Variants in EML6 observed in about 807,000 individuals in gnomAD.
EML6 encodes echinoderm microtubule-associated protein-like 6.
Under a neutral mutation model 240.1 loss-of-function variants are expected in EML6, and 154 were observed. The observed-to-expected ratio is 0.64, with a 90% CI of 0.56 to 0.73. EML6 has a LOEUF of 0.73. Among genes scored for constraint, EML6 ranks in the 30% least tolerant of loss-of-function variants. The pLI is 0.00. For synonymous variants in EML6, 1,148 were observed against 899.0 expected, an observed-to-expected ratio of 1.28 and a Z score of -4.95; for missense variants, 2,964 against 2,474.6, an observed-to-expected ratio of 1.20 and a Z score of -4.20.
At chr2:54,818,501 G>C (rs573101211) in intron 4 of EML6, among the ~76,000 whole-genome samples, 1 of 152,324 alleles carries the variant, frequency 6.6e-6, no homozygotes, top group South Asian at 2.1e-4. Flanking sequence ...CTGTACCTCA[G>C]TTCATTTTCC....
rs898198830 is a variant in EML6 at position 54,964,023 on chromosome 2, G to C, written c.5195G>C (p.Arg1732Thr). The C allele has an allele frequency of 1.0e-5, 16 of 1,551,704 alleles. No homozygotes were observed. The East Asian group carries it at 3.9e-4, about 38-fold the overall frequency. The change falls in exon 37 of 42, where the codon AGG becomes ACG. Residue 1732 changes from arginine to threonine, a missense_variant. Coordinates refer to ENST00000356458, the MANE Select transcript of EML6 (RefSeq NM_001039753.4). ...AAGGTGAGCTTGGGCCATGCGGCCA[G>C]GTGTGCAGCCTACAGCCCTGATGGG... The part of the protein sequence containing the change: ...LNKVSLGHAA[R>T]CAAYSPDGEM...
chr2:54,767,616 GTGTGTGTGTGTGTGTA>G (rs1017886044), intron 2 of EML6, among the ~76,000 whole-genome samples: 4 of 129,138 alleles, frequency 3.1e-5, no homozygotes, highest in African/African-American at 1.0e-4. Flanking sequence ...GTGTGTGTGT[GTGTGTGTGTGTGTGTA>G]TGTGTGTGTG....
At chr2:54,956,941 T>C (rs572206307) in intron 32 of EML6, among the ~76,000 whole-genome samples, 2 of 152,272 alleles carry the variant, frequency 1.3e-5, no homozygotes, top group African/African-American at 2.4e-5. Flanking sequence ...GCTAAAAGAA[T>C]AGAAGCCAAG....
In EML6 at chr2:54,862,591, G is replaced by A. The variant is rs529220517; in HGVS notation, c.1826-1192G>A. 2.0e-5 allele frequency among the ~76,000 whole-genome samples: 3 copies of A among 151,984 alleles called. No homozygotes were observed. In the East Asian group the frequency reaches 5.8e-4, roughly 29 times the overall value. ...CCAAAAAGAGAAGAGAGAGAAATGGGCAGAAAACATGTTCAAGGAAATAAT... is the reference window on the plus strand; with the variant it reads ...CCAAAAAGAGAAGAGAGAGAAATGGACAGAAAACATGTTCAAGGAAATAAT... On this transcript the variant is annotated intron_variant, in intron 12 of 41. Transcript: ENST00000356458.
intron 2 of EML6, 93 bp from the exon 3 acceptor site, chr2:54,813,139 G>A (rs1667932991): frequency 9.0e-6 from 8 of 887,354 alleles, no homozygotes; most frequent in Non-Finnish European, 1.4e-5. Context: ...AGATCACCTT[G>A]TTAGATAATT....
chr2:54,798,715 A>G (rs921465311), intron 2 of EML6, among the ~76,000 whole-genome samples: 1 of 152,132 alleles, frequency 6.6e-6, no homozygotes, highest in African/African-American at 2.4e-5. Flanking sequence ...ATTAATTAGG[A>G]TACACAATAT....
intron 32 of EML6, among the ~76,000 whole-genome samples, chr2:54,957,360 A>G (rs1204647888): frequency 7.5e-4 from 113 of 151,434 alleles, no homozygotes; most frequent in Admixed American, 1.6e-3. Flanking sequence ...TTAGGAAAAA[A>G]AAAAAAAAAA....
chr2:54,784,641 G>C (rs575055723), intron 2 of EML6, among the ~76,000 whole-genome samples: 1 of 152,198 alleles, frequency 6.6e-6, no homozygotes, highest in East Asian at 1.9e-4. Context: ...ACCAATAACA[G>C]AAACAGTCCA....
intron 25 of EML6, 40 bp downstream of exon 25, chr2:54,911,082 A>G (rs1187435628): frequency 1.9e-6 from 2 of 1,043,766 alleles, no homozygotes; most frequent in African/African-American, 1.6e-5. Flanking sequence ...ATATTTTGTG[A>G]AGATTTAATA....
chr2:54,813,491 C>G (rs955372180), intron 3 of EML6, 100 bp downstream of exon 3: 2 of 997,068 alleles, frequency 2.0e-6, no homozygotes, highest in Non-Finnish European at 3.0e-6. Flanking sequence ...TCAACCCTTG[C>G]TGGTTCTTCT....
intron 25 of EML6, among the ~76,000 whole-genome samples, chr2:54,911,270 C>T (rs1027179414): frequency 6.6e-6 from 1 of 152,180 alleles, no homozygotes; most frequent in African/African-American, 2.4e-5. Flanking sequence ...CTTAATTTTT[C>T]TCTGCCTGAA....
At chr2:54,751,186 C>T (rs895062480) in intron 2 of EML6, among the ~76,000 whole-genome samples, 1 of 152,078 alleles carries the variant, frequency 6.6e-6, no homozygotes, top group Non-Finnish European at 1.5e-5. Flanking sequence ...GTGACAAAGA[C>T]AATTTACTTG....
At chr2:54,870,412 A>G (rs11677058) in intron 15 of EML6, among the ~76,000 whole-genome samples, 81,106 of 149,992 alleles carry the variant, frequency 0.54, 22,323 homozygotes, top group African/African-American at 0.65. Context: ...CTGAAAAGGT[A>G]TATTTGGGGG....
At chr2:54,844,299 T>C in intron 8 of EML6, 51 bp downstream of exon 8, 1 of 1,407,664 alleles carries the variant, frequency 7.1e-7, no homozygotes, top group Non-Finnish European at 9.8e-7. Context: ...TGGATTTATT[T>C]GCCCAAATTT....
intron 2 of EML6, among the ~76,000 whole-genome samples, chr2:54,789,036 T>C (rs1487996626): frequency 2.6e-5 from 4 of 152,230 alleles, no homozygotes; most frequent in Non-Finnish European, 2.9e-5. Context: ...TGCTTTTTAT[T>C]CTTTCTTATA....
chr2:54,933,034 G>A (rs183634747), intron 28 of EML6, among the ~76,000 whole-genome samples: 5 of 152,244 alleles, frequency 3.3e-5, no homozygotes, highest in Admixed American at 2.6e-4. Context: ...TTGCTGCCAG[G>A]ATTCTGGTTT....
Position 54,844,202 on chromosome 2 carries a change from C to T in EML6, c.1003C>T (p.Pro335Ser). The change falls in exon 8 of 42, where the codon CCC becomes TCC. Residue 335 changes from proline (P) to serine (S), a missense_variant. By Grantham distance (74) the Pro-to-Ser change is moderately conservative (BLOSUM62 -1). Transcript: ENST00000356458. ...TGAGCTCTGGGCTCTGGCCCTGCAC[C>T]CCAAGAAGCCTCTGGCTGTGACAGG... is the stretch of plus-strand genomic sequence containing the variant. ...EGELWALALH[P>S]KKPLAVTGSD... is the part of the protein sequence containing the mutation. The T allele has an allele frequency of 1.9e-6, 3 of 1,551,656 alleles. No individual in the cohort carries two copies. The highest frequency in any genetic ancestry group is 2.6e-6 in the Non-Finnish European group (3 of 1,146,992).
chr2:54,815,569 C>G (rs1668047103), intron 3 of EML6, among the ~76,000 whole-genome samples: 1 of 152,128 alleles, frequency 6.6e-6, no homozygotes, highest in Admixed American at 6.5e-5. Flanking sequence ...CTTGAATAAG[C>G]TGAATGGAAT....
chr2:54,837,571 G>C (rs78268223), intron 7 of EML6, among the ~76,000 whole-genome samples: 1 of 152,112 alleles, frequency 6.6e-6, no homozygotes, highest in Non-Finnish European at 1.5e-5. Context: ...TGTCTTTTTT[G>C]TCATTTGCTC....
Sources: gnomAD v4.1 joint callset for allele counts (sites outside exome capture counted in the v4.1 genomes callset) on GRCh38, gnomAD v4.1.1 for gene constraint, MANE v1.5 for transcripts, NCBI Gene and HGNC (gene_info 2026-07-23, HGNC 2026-07-21) for gene names.